GCH1: variants seen among roughly 807,000 people sequenced by gnomAD.
GCH1 encodes the protein GTP cyclohydrolase I.
Under a neutral mutation model 25.9 loss-of-function variants are expected in GCH1, and 5 were observed. That is an observed-to-expected ratio of 0.19 (90% CI 0.10 to 0.41). The LOEUF (loss-of-function observed/expected upper bound fraction) is 0.41. GCH1 is among the 10% of genes least tolerant of loss of function. The pLI is 1.00. For missense variants in GCH1, 261 were observed against 336.5 expected (o/e 0.78, Z 1.75); for synonymous variants, 159 against 129.6 (o/e 1.23, Z -1.54).
chr14:54,865,199 C>T (rs2039974044), intron 2 of GCH1, 128 bp downstream of exon 2: 2 of 622,148 alleles, frequency 3.2e-6, no homozygotes. Flanking sequence ...AAAGAATAAC[C>T]ATATATGTAT....
intron 4 of GCH1, among the ~76,000 whole-genome samples, chr14:54,846,666 T>C (rs2039645321): frequency 6.6e-6 from 1 of 152,250 alleles, no homozygotes; most frequent in Non-Finnish European, 1.5e-5. Flanking sequence ...TTCTGGAAGC[T>C]TGAAACAGTA....
At chr14:54,871,776 G>A (rs1311361340) in intron 1 of GCH1, among the ~76,000 whole-genome samples, 1 of 149,710 alleles carries the variant, frequency 6.7e-6, no homozygotes, top group Non-Finnish European at 1.5e-5. Context: ...ATGAAATGAA[G>A]CAAGAAGAGA....
intron 1 of GCH1, among the ~76,000 whole-genome samples, chr14:54,876,968 G>GA (rs1214642557): frequency 1.3e-5 from 2 of 151,948 alleles, no homozygotes; most frequent in South Asian, 2.1e-4. Flanking sequence ...AAATCAAAGA[G>GA]AAAAAAAATC....
At position 54,843,918 on chromosome 14, in the gene GCH1, C is replaced by G; in HGVS notation, c.*99G>C. ...TAGTGACAAGGAATAAAGTTCACAT[C>G]TGTAACAATTGAAAATGGAATGTAC... On this transcript the variant is annotated 3_prime_UTR_variant, in exon 6 of 6. Coordinates refer to ENST00000491895, the MANE Select transcript of GCH1 (RefSeq NM_000161.3). The G allele has an allele frequency of 2.5e-6, 4 of 1,611,814 alleles. No homozygotes were observed. Among genetic ancestry groups the G allele is most frequent in the Non-Finnish European group, 3.4e-6 (4 of 1,178,476 alleles).
chr14:54,881,505 G>C lies in GCH1; in HGVS notation c.344-16069C>G, dbSNP rs1437421657. The stretch of plus-strand genomic sequence containing the variant: ...CACTTTCATCATGAGTACACCTCTT[G>C]TTAGAGCTTCCGACACTCACAGCTT... On this transcript the variant is annotated intron_variant, in intron 1 of 5. Transcript: ENST00000491895. Among the ~76,000 whole-genome samples the C allele has an allele frequency of 2.0e-5, 3 of 152,168 alleles. No individual in the cohort carries two copies. In the East Asian group the frequency reaches 5.8e-4, roughly 29 times the overall value.
At chr14:54,860,663 C>T (rs2039882781) in intron 2 of GCH1, among the ~76,000 whole-genome samples, 1 of 151,886 alleles carries the variant, frequency 6.6e-6, no homozygotes. Flanking sequence ...GCCTTAGCCT[C>T]CTGAGTAGCC....
chr14:54,844,880 A>G (rs2039615873), intron 5 of GCH1, among the ~76,000 whole-genome samples: 1 of 152,236 alleles, frequency 6.6e-6, no homozygotes, highest in South Asian at 2.1e-4. Flanking sequence ...AAGAGAAGAC[A>G]TAAAAATGGC....
rs561742296 is a variant in GCH1, at chr14:54,853,152, T to C, written c.510-6022A>G. Among the ~76,000 whole-genome samples the C allele has an allele frequency of 5.3e-5, 8 of 152,174 alleles. No individual in the cohort carries two copies. In the South Asian group the frequency reaches 1.5e-3, roughly 28 times the overall value. On this transcript the variant is annotated intron_variant, in intron 3 of 5. Coordinates refer to ENST00000491895, the MANE Select transcript of GCH1 (RefSeq NM_000161.3). ...CTAATTTTTGTATTTTTAGTAGAGA[T>C]GGGGTTTCACCATGCTGGTCAGGCT...
At chr14:54,871,586 G>A (rs1427319184) in intron 1 of GCH1, among the ~76,000 whole-genome samples, 1 of 152,156 alleles carries the variant, frequency 6.6e-6, no homozygotes, top group East Asian at 1.9e-4. Flanking sequence ...TGGCAAAGAA[G>A]TTAAAAACCT....
In GCH1 at chr14:54,855,640, C is replaced by T. The variant is rs1045550576; in HGVS notation, c.509+4041G>A. ...GCCAGCTTGGCCAACATGGAGAAAC[C>T]CTGTCTTTACTGAAAATACAAAAAT... On this transcript the variant is annotated intron_variant, in intron 3 of 5. Transcript: ENST00000491895. Among the ~76,000 whole-genome samples, 18 of 151,684 alleles carry T rather than the reference C, an allele frequency of 1.2e-4. No individual in the cohort carries two copies. The South Asian group carries it at 3.7e-3, about 32-fold the overall frequency.
intron 1 of GCH1, among the ~76,000 whole-genome samples, chr14:54,885,751 C>A (rs1005472523): frequency 1.3e-5 from 2 of 152,054 alleles, no homozygotes; most frequent in Non-Finnish European, 2.9e-5. Flanking sequence ...TAGCTGGGTG[C>A]GGTGGAATGC....
intron 1 of GCH1, among the ~76,000 whole-genome samples, chr14:54,868,982 T>A (rs1029161334): frequency 2.6e-5 from 4 of 152,122 alleles, no homozygotes; most frequent in Admixed American, 2.0e-4. Flanking sequence ...CAAGCCATCC[T>A]CCCACCTTGG....
intron 1 of GCH1, chr14:54,884,817 A>G (rs1047066655): frequency 6.6e-6 from 1 of 152,660 alleles, no homozygotes; most frequent in African/African-American, 2.4e-5. Context: ...AAGATTACAC[A>G]GTAATTTATT....
In GCH1 at chr14:54,859,674, C is replaced by T; in HGVS notation, c.509+7G>A. The stretch of plus-strand genomic sequence containing the variant: ...TGTATTCTTGTTCACTGCACAGTCA[C>T]ACTTACCTCGCAAGTTTGCTGAGGC... On this transcript the variant is annotated splice_region_variant and intron_variant, in intron 3 of 5. Coordinates refer to ENST00000491895, the MANE Select transcript of GCH1 (RefSeq NM_000161.3). 1 of 1,547,508 alleles carries T rather than the reference C, an allele frequency of 6.5e-7. No homozygotes were observed. Among genetic ancestry groups the T allele is most frequent in the Non-Finnish European group, 8.9e-7 (1 of 1,119,470 alleles).
At chr14:54,845,325 A>C (rs565720636) in intron 5 of GCH1, among the ~76,000 whole-genome samples, 77 of 151,046 alleles carry the variant, frequency 5.1e-4, no homozygotes, top group African/African-American at 1.4e-3. Flanking sequence ...TAAATATACA[A>C]AAATTAGCCG....
chr14:54,878,088 C>T (rs1214409688), intron 1 of GCH1: 5 of 154,672 alleles, frequency 3.2e-5, no homozygotes, highest in Non-Finnish European at 7.3e-5. Context: ...ACAAACAGAC[C>T]TGTTTCTGCT....
intron 2 of GCH1, 26 bp from the exon 3 acceptor site, chr14:54,859,762 A>C (rs1329298245): frequency 7.3e-7 from 1 of 1,366,008 alleles, no homozygotes; most frequent in African/African-American, 1.4e-5. Context: ...GGAAATCATT[A>C]GCTGAGTGAA....
At chr14:54,868,316 C>T (rs1022979706) in intron 1 of GCH1, among the ~76,000 whole-genome samples, 2 of 151,930 alleles carry the variant, frequency 1.3e-5, no homozygotes, top group Admixed American at 6.6e-5. Flanking sequence ...ATTCAGGAGG[C>T]TAAGGCAGGA....
intron 1 of GCH1, chr14:54,885,166 T>G: frequency 4.1e-6 from 1 of 245,536 alleles, no homozygotes; most frequent in Non-Finnish European, 8.4e-6. Flanking sequence ...GTAATCATCC[T>G]GAATCTGAAA....
Sources: allele counts gnomAD v4.1 joint callset (sites outside exome capture counted in the v4.1 genomes callset), GRCh38; gene constraint gnomAD v4.1.1; transcripts MANE v1.5; gene names NCBI Gene and HGNC (gene_info 2026-07-23, HGNC 2026-07-21).